Variants in HEATR5B observed in about 807,000 individuals in gnomAD.
HEATR5B encodes the protein HEAT repeat containing 5B, also known as HEAT repeat-containing protein 5B.
Under a neutral mutation model 224.1 loss-of-function variants are expected in HEATR5B, and 156 were observed. The ratio of observed to expected loss-of-function variants is 0.70; its 90% CI spans 0.61 to 0.80. HEATR5B has a LOEUF of 0.80. Ranked by LOEUF, HEATR5B falls within the 30% of genes least tolerant of loss-of-function variation. The pLI, the probability that HEATR5B is intolerant of heterozygous loss-of-function variation, is 0.00. For missense variants in HEATR5B, 2,323 were observed against 2,535.5 expected (o/e 0.92, Z 1.80); for synonymous variants, 1,027 against 893.0 (o/e 1.15, Z -2.68).
chr2:37,016,164 GCGCAGTGGCGTGATTTTGGC>G (rs1288058218), intron 26 of HEATR5B, among the ~76,000 whole-genome samples: 4 of 148,424 alleles, frequency 2.7e-5, no homozygotes, highest in African/African-American at 7.5e-5. Flanking sequence ...CCAGGTTGGA[GCGCAGTGGCGTGATTTTGGC>G]TCACTGCAAC....
At chr2:37,006,109 A>G (rs1667397993) in intron 29 of HEATR5B, among the ~76,000 whole-genome samples, 1 of 152,172 alleles carries the variant, frequency 6.6e-6, no homozygotes, top group Non-Finnish European at 1.5e-5. Context: ...AATGGTAGCC[A>G]AATAATTTTT....
chr2:37,070,073 T>G (rs1172427439), intron 7 of HEATR5B, among the ~76,000 whole-genome samples, 157 bp downstream of exon 7: 1 of 152,048 alleles, frequency 6.6e-6, no homozygotes, highest in Admixed American at 6.6e-5. Context: ...AATTTTTTGG[T>G]GTTTTTAGTA....
intron 35 of HEATR5B, among the ~76,000 whole-genome samples, chr2:36,984,891 G>T (rs890735998): frequency 6.6e-6 from 1 of 152,092 alleles, no homozygotes; most frequent in Admixed American, 6.6e-5. Context: ...TAAGAATAAG[G>T]TGCAAGTTTC....
intron 21 of HEATR5B, among the ~76,000 whole-genome samples, chr2:37,035,688 T>G (rs1340729808): frequency 1.3e-5 from 2 of 152,176 alleles, no homozygotes; most frequent in Non-Finnish European, 2.9e-5. Context: ...ACTCCTTTCC[T>G]CTTTTCTAAA....
At chr2:37,063,974 G>C (rs1340980687) in intron 10 of HEATR5B, among the ~76,000 whole-genome samples, 2 of 152,046 alleles carry the variant, frequency 1.3e-5, no homozygotes, top group Non-Finnish European at 2.9e-5. Context: ...ACAATGCCCG[G>C]CTAATTTTTC....
intron 16 of HEATR5B, among the ~76,000 whole-genome samples, chr2:37,054,191 T>C (rs918703831): frequency 1.6e-5 from 2 of 121,406 alleles, no homozygotes; most frequent in African/African-American, 3.1e-5. Flanking sequence ...ATGATTTCTC[T>C]GTTTTTTTTT....
At chr2:37,059,091 A>AT (rs1198137894) in intron 12 of HEATR5B, 104 bp from the exon 13 acceptor site, 10 of 642,348 alleles carry the variant, frequency 1.6e-5, no homozygotes, top group Non-Finnish European at 2.3e-5. Flanking sequence ...CTTAATTATT[A>AT]TAACGTATAA....
At chr2:36,988,990 T>TA in intron 34 of HEATR5B, 131 bp from the exon 35 acceptor site, 2 of 659,592 alleles carry the variant, frequency 3.0e-6, no homozygotes, top group Non-Finnish European at 5.2e-6. Context: ...ATTTTCTACT[T>TA]AGAGAAATGG....
Position 37,072,151 on chromosome 2 carries a change from C to CCTAAAAGTTT in HEATR5B, c.718_727dup (p.Gly243GlufsTer29). 6.2e-7 allele frequency: 1 copy of CCTAAAAGTTT among 1,614,044 alleles called. No homozygotes were observed. Among genetic ancestry groups the CCTAAAAGTTT allele is most frequent in the Non-Finnish European group, 8.5e-7 (1 of 1,179,960 alleles). ...CATTAATGCTGTGGCCATGACTGTT[C>CCTAAAAGTTT]CTAAAAGTTTAGACACTGCCACTCG... On this transcript the variant is annotated frameshift_variant, in exon 6 of 36. Coordinates refer to ENST00000233099, the MANE Select transcript of HEATR5B (RefSeq NM_019024.3). LOFTEE classifies it high-confidence loss of function.
chr2:37,022,990 G>C (rs190909578), intron 24 of HEATR5B, among the ~76,000 whole-genome samples: 18 of 151,948 alleles, frequency 1.2e-4, no homozygotes, highest in Non-Finnish European at 1.5e-4. Flanking sequence ...TCAGTGAATA[G>C]AAACAAGTCT....
intron 5 of HEATR5B, among the ~76,000 whole-genome samples, chr2:37,074,757 C>T (rs924088400): frequency 2.0e-5 from 3 of 152,118 alleles, no homozygotes; most frequent in South Asian, 2.1e-4. Context: ...CATCCTTCTT[C>T]GAAGAAGATA....
intron 32 of HEATR5B, 47 bp from the exon 33 acceptor site, chr2:37,000,860 T>C (rs763214638): frequency 7.6e-5 from 96 of 1,260,870 alleles, no homozygotes; most frequent in Non-Finnish European, 1.0e-4. Flanking sequence ...TCAGTTCCCA[T>C]ATTATAGTTG....
In HEATR5B at chr2:37,078,749, C is replaced by T. The variant is rs527792345; in HGVS notation, c.338+371G>A. 7.2e-5 allele frequency among the ~76,000 whole-genome samples: 11 copies of T among 152,238 alleles called. No individual in the cohort carries two copies. The South Asian group carries it at 2.3e-3, about 32-fold the overall frequency. On this transcript the variant is annotated intron_variant, in intron 3 of 35. Coordinates refer to ENST00000233099, the MANE Select transcript of HEATR5B (RefSeq NM_019024.3). The stretch of plus-strand genomic sequence containing the variant: ...CGGACCATGGCCCCTTGAATGTTGA[C>T]GTTCTAGAGTTGTATCCCTAGGCAT...
intron 27 of HEATR5B, 140 bp from the exon 28 acceptor site, chr2:37,008,988 G>A (rs1016213637): frequency 1.5e-5 from 10 of 689,320 alleles, no homozygotes; most frequent in Middle Eastern, 4.1e-4. Context: ...GGCTGGGTGC[G>A]GTGGCTCACA....
chr2:37,029,707 G>A (rs1247980971), intron 22 of HEATR5B, among the ~76,000 whole-genome samples: 8 of 152,000 alleles, frequency 5.3e-5, no homozygotes, highest in South Asian at 2.1e-4. Flanking sequence ...TTGGGGGGCT[G>A]AGGTGGGAGG....
At chr2:37,013,153 C>A (rs1667897247) in intron 27 of HEATR5B, among the ~76,000 whole-genome samples, 1 of 152,148 alleles carries the variant, frequency 6.6e-6, no homozygotes, top group South Asian at 2.1e-4. Context: ...CAATAGTCTT[C>A]CCTTAAACGT....
chr2:37,064,706 G>A (rs1558366556), intron 10 of HEATR5B, 34 bp downstream of exon 10: 2 of 1,608,756 alleles, frequency 1.2e-6, no homozygotes, highest in Non-Finnish European at 1.7e-6. Flanking sequence ...AAGCCCACGT[G>A]ACAGCATTCC....
intron 17 of HEATR5B, among the ~76,000 whole-genome samples, chr2:37,051,414 A>C (rs1318218357): frequency 6.7e-6 from 1 of 149,994 alleles, no homozygotes; most frequent in African/African-American, 2.4e-5. Flanking sequence ...ATGTTGAAGT[A>C]GTTTGCTCAT....
At chr2:37,005,606 G>T in intron 30 of HEATR5B, 26 bp downstream of exon 30, 1 of 1,601,658 alleles carries the variant, frequency 6.2e-7, no homozygotes, top group Non-Finnish European at 8.5e-7. Context: ...AACCACACAA[G>T]TATCTATCAT....
Sources: allele counts gnomAD v4.1 joint callset (sites outside exome capture counted in the v4.1 genomes callset), GRCh38; gene constraint gnomAD v4.1.1; transcripts MANE v1.5; gene names NCBI Gene and HGNC (gene_info 2026-07-23, HGNC 2026-07-21).